Variants in NBEA observed in about 807,000 individuals in gnomAD.
NBEA encodes lysosomal-trafficking regulator 2.
Under a neutral mutation model 343.4 loss-of-function variants are expected in NBEA, and 44 were observed. The ratio of observed to expected loss-of-function variants is 0.13; its 90% CI spans 0.10 to 0.16. The LOEUF (loss-of-function observed/expected upper bound fraction) is 0.16. NBEA is among the 10% of genes least tolerant of loss of function. The pLI is 1.00. For missense variants in NBEA, 2,555 were observed against 3,631.3 expected, an observed-to-expected ratio of 0.70 and a Z score of 7.62; for synonymous variants, 1,175 against 1,238.7, an observed-to-expected ratio of 0.95 and a Z score of 1.08.
chr13:34,966,634 T>TTC (rs1169542246), intron 1 of NBEA, among the ~76,000 whole-genome samples: 21 of 149,922 alleles, frequency 1.4e-4, no homozygotes, highest in East Asian at 7.8e-4. Context: ...TTTTTTTTTT[T>TTC]TCTCTCTCTC....
At chr13:35,229,177 C>T (rs1207520520) in intron 33 of NBEA, among the ~76,000 whole-genome samples, 1 of 151,988 alleles carries the variant, frequency 6.6e-6, no homozygotes, top group African/African-American at 2.4e-5. Flanking sequence ...ATCACAGGCA[C>T]CCGCCACCAC....
rs1344427688 is a variant in NBEA at position 35,415,011 on chromosome 13, T to G, written c.6180-17258T>G. 3.0e-4 allele frequency among the ~76,000 whole-genome samples: 46 copies of G among 152,214 alleles called. No homozygotes were observed. The South Asian group carries it at 7.7e-3, about 25-fold the overall frequency. The stretch of plus-strand genomic sequence containing the variant: ...ATGATGAGCATTTTTTCATGTGTCT[T>G]TTGGCTGCATAAATGTCTTCTTTTG... On this transcript the variant is annotated intron_variant, in intron 38 of 58. Coordinates refer to ENST00000379939, the MANE Select transcript of NBEA (RefSeq NM_001385012.1).
intron 8 of NBEA, among the ~76,000 whole-genome samples, chr13:35,059,479 T>G (rs1488669344): frequency 6.6e-6 from 1 of 151,914 alleles, no homozygotes; most frequent in Non-Finnish European, 1.5e-5. Context: ...TACATCTGGC[T>G]AGGGGAGTAT....
chr13:34,956,057 T>C (rs780701570), intron 1 of NBEA, among the ~76,000 whole-genome samples: 8 of 152,126 alleles, frequency 5.3e-5, no homozygotes, highest in Non-Finnish European at 1.0e-4. Flanking sequence ...TTATACCCAT[T>C]GCAGAAAAAT....
intron 1 of NBEA, among the ~76,000 whole-genome samples, chr13:35,016,314 G>A (rs1323823454): frequency 2.6e-5 from 4 of 151,826 alleles, no homozygotes; most frequent in Admixed American, 6.6e-5. Flanking sequence ...CTTGTAAAGC[G>A]ACTTAAGTTT....
intron 41 of NBEA, among the ~76,000 whole-genome samples, chr13:35,519,282 T>C (rs2077602139): frequency 6.6e-6 from 1 of 152,182 alleles, no homozygotes; most frequent in South Asian, 2.1e-4. Context: ...CACATACTCA[T>C]ACAAAAAAAT....
chr13:35,368,512 T>G (rs1319294118), intron 38 of NBEA, among the ~76,000 whole-genome samples: 1 of 151,708 alleles, frequency 6.6e-6, no homozygotes, highest in Non-Finnish European at 1.5e-5. Context: ...AATAAAATAT[T>G]TTTTATTTTG....
intron 1 of NBEA, among the ~76,000 whole-genome samples, chr13:35,013,874 T>C (rs753476208): frequency 6.6e-6 from 1 of 152,190 alleles, no homozygotes; most frequent in Non-Finnish European, 1.5e-5. Flanking sequence ...ATGTCATTCT[T>C]TTTTCTCCTG....
intron 48 of NBEA, among the ~76,000 whole-genome samples, chr13:35,626,882 A>G (rs1181000780): frequency 6.6e-6 from 1 of 152,186 alleles, no homozygotes; most frequent in African/African-American, 2.4e-5. Flanking sequence ...TCTTTCATAA[A>G]ATGTCATTGT....
At chr13:35,073,300 G>T (rs1409076419) in intron 10 of NBEA, among the ~76,000 whole-genome samples, 1 of 152,144 alleles carries the variant, frequency 6.6e-6, no homozygotes, top group Non-Finnish European at 1.5e-5. Flanking sequence ...ATAATAAATT[G>T]TTCTAGATTA....
At chr13:35,355,571 T>C (rs1449889637) in intron 38 of NBEA, among the ~76,000 whole-genome samples, 1 of 152,158 alleles carries the variant, frequency 6.6e-6, no homozygotes, top group Non-Finnish European at 1.5e-5. Context: ...GAACGCTTGC[T>C]GCAGAGGTTT....
At chr13:35,382,904 G>A (rs2042080662) in intron 38 of NBEA, among the ~76,000 whole-genome samples, 1 of 152,166 alleles carries the variant, frequency 6.6e-6, no homozygotes, top group Admixed American at 6.5e-5. Flanking sequence ...AACAAAGGAA[G>A]AGTAATCATT....
At chr13:35,641,722 A>G (rs1313538589) in intron 49 of NBEA, among the ~76,000 whole-genome samples, 1 of 152,108 alleles carries the variant, frequency 6.6e-6, no homozygotes, top group Non-Finnish European at 1.5e-5. Context: ...ACCAGTATCT[A>G]TGTATTCTCT....
intron 44 of NBEA, among the ~76,000 whole-genome samples, chr13:35,560,363 A>G (rs2079804177): frequency 6.6e-6 from 1 of 152,204 alleles, no homozygotes; most frequent in East Asian, 1.9e-4. Context: ...TTTCTTTTAC[A>G]TTTCATCAAA....
chr13:35,296,967 CA>C (rs756309365), intron 35 of NBEA, among the ~76,000 whole-genome samples: 3 of 151,854 alleles, frequency 2.0e-5, no homozygotes, highest in East Asian at 3.8e-4. Context: ...CAGGAAGTTG[CA>C]AAAATAGTAC....
At chr13:35,525,161 C>A (rs1488467421) in intron 41 of NBEA, among the ~76,000 whole-genome samples, 2 of 152,176 alleles carry the variant, frequency 1.3e-5, no homozygotes, top group Non-Finnish European at 2.9e-5. Context: ...TATTTACTTA[C>A]CTTGCTTTAG....
intron 36 of NBEA, among the ~76,000 whole-genome samples, chr13:35,339,730 G>A (rs930078010): frequency 3.9e-5 from 6 of 152,102 alleles, no homozygotes; most frequent in African/African-American, 1.4e-4. Flanking sequence ...CATGGCAGAA[G>A]CAGGAGCAAG....
chr13:34,949,715 A>G (rs1247336848), intron 1 of NBEA, among the ~76,000 whole-genome samples: 2 of 152,098 alleles, frequency 1.3e-5, no homozygotes, highest in African/African-American at 2.4e-5. Flanking sequence ...TTCTTTTACC[A>G]TTGTATATTA....
intron 45 of NBEA, among the ~76,000 whole-genome samples, chr13:35,578,075 T>G (rs1014494494): frequency 4.6e-5 from 7 of 152,170 alleles, no homozygotes; most frequent in Non-Finnish European, 8.8e-5. Flanking sequence ...ACACGATAAC[T>G]TAGATATGTT....
Sources: allele counts gnomAD v4.1 joint callset (sites outside exome capture counted in the v4.1 genomes callset), GRCh38; gene constraint gnomAD v4.1.1; transcripts MANE v1.5; gene names NCBI Gene and HGNC (gene_info 2026-07-23, HGNC 2026-07-21).